Variants in PRKCH observed in about 807,000 individuals in gnomAD.
PRKCH encodes protein kinase C eta.
Under a neutral mutation model 82.5 loss-of-function variants are expected in PRKCH, and 28 were observed. The observed-to-expected ratio is 0.34, with a 90% CI of 0.25 to 0.47. PRKCH has a LOEUF of 0.47. PRKCH is among the 20% of genes least tolerant of loss of function. The probability of loss-of-function intolerance (pLI) is 1.00; values close to 1 mark genes in which losing one functional copy is unlikely to be tolerated. For missense variants in PRKCH, 705 were observed against 881.8 expected (o/e 0.80, Z 2.54); for synonymous variants, 322 against 327.4 (o/e 0.98, Z 0.18).
At chr14:61,277,630 A>G (rs1014750720) in intron 1 of PRKCH, 3 of 152,244 alleles carry the variant, frequency 2.0e-5, no homozygotes, top group African/African-American at 7.2e-5. Context: ...AAAATATCCA[A>G]TAAATAATTG....
intron 11 of PRKCH, 63 bp from the exon 12 acceptor site, chr14:61,530,344 A>G (rs1281523129): frequency 7.1e-7 from 1 of 1,414,518 alleles, no homozygotes; most frequent in Admixed American, 2.6e-5. Flanking sequence ...TTCCCTAGTT[A>G]TGAAGAACAC....
chr14:61,377,941 C>T (rs1246522175), intron 1 of PRKCH, among the ~76,000 whole-genome samples: 2 of 152,222 alleles, frequency 1.3e-5, no homozygotes, highest in Admixed American at 1.3e-4. Flanking sequence ...CCTTGGCCTG[C>T]AATCTAAGGT....
In PRKCH at chr14:61,470,177, G is replaced by C. The variant is rs1378657988; in HGVS notation, c.1278+12498G>C. Among the ~76,000 whole-genome samples the C allele has an allele frequency of 2.0e-5, 3 of 151,810 alleles. No homozygotes were observed. In the East Asian group the frequency reaches 5.8e-4, roughly 30 times the overall value. On this transcript the variant is annotated intron_variant, in intron 9 of 13. Coordinates refer to ENST00000332981, the MANE Select transcript of PRKCH (RefSeq NM_006255.5). ...TTTGTAGGATGCAGTGAGATTACTG[G>C]GGGGAGGCGTAGCTCGAGTCCTTGG...
At chr14:61,440,185 A>G (rs941397554) in intron 2 of PRKCH, among the ~76,000 whole-genome samples, 1 of 152,220 alleles carries the variant, frequency 6.6e-6, no homozygotes. Flanking sequence ...AAGGAATGTT[A>G]AAATCTGTTC....
In PRKCH at chr14:61,419,685, A is replaced by G. The variant is rs1050912089; in HGVS notation, c.428-23426A>G. ...GGGGCGTTCTGGGCTACACAGATGCACTATCCTAGAGGGTTAAGTTGTCAT... is the reference window on the plus strand; with the variant it reads ...GGGGCGTTCTGGGCTACACAGATGCGCTATCCTAGAGGGTTAAGTTGTCAT... On this transcript the variant is annotated intron_variant, in intron 2 of 13. Coordinates refer to ENST00000332981, the MANE Select transcript of PRKCH (RefSeq NM_006255.5). Among the ~76,000 whole-genome samples, 4 of 152,222 alleles carry G rather than the reference A, an allele frequency of 2.6e-5. No homozygotes were observed. In the South Asian group the frequency reaches 8.3e-4, roughly 31 times the overall value.
intron 1 of PRKCH, among the ~76,000 whole-genome samples, chr14:61,221,158 C>T (rs79277472): frequency 0.025 from 3,824 of 152,162 alleles, 74 homozygotes; most frequent in Middle Eastern, 0.055. Flanking sequence ...AGGTGGGGAA[C>T]CCTCCAACAG....
chr14:61,326,759 G>GA (rs1207262752), intron 1 of PRKCH, among the ~76,000 whole-genome samples: 1 of 152,128 alleles, frequency 6.6e-6, no homozygotes, highest in South Asian at 2.1e-4. Context: ...TGGGAGCGTA[G>GA]AAAAAATGAA....
chr14:61,486,823 T>A (rs1284097412), intron 10 of PRKCH, among the ~76,000 whole-genome samples: 4 of 152,150 alleles, frequency 2.6e-5, no homozygotes. Flanking sequence ...TCACATAAAC[T>A]CTTTTTCTCT....
intron 1 of PRKCH, among the ~76,000 whole-genome samples, chr14:61,217,660 C>A (rs549358276): frequency 8.7e-4 from 132 of 152,250 alleles, no homozygotes; most frequent in Admixed American, 2.8e-3. Context: ...GGAATGCCAC[C>A]AGAACCTTCC....
At chr14:61,386,486 G>A (rs558106734) in intron 1 of PRKCH, among the ~76,000 whole-genome samples, 2 of 152,262 alleles carry the variant, frequency 1.3e-5, no homozygotes, top group East Asian at 3.9e-4. Flanking sequence ...CTTCGAGAGT[G>A]GACGTGTTGG....
chr14:61,208,074 A>AT (rs11376581), intron 1 of PRKCH, among the ~76,000 whole-genome samples: 43,778 of 151,058 alleles, frequency 0.29, 7,410 homozygotes, highest in Non-Finnish European at 0.38. Context: ...GTGACAACTG[A>AT]TTTTTTTTTT....
chr14:61,299,785 T>A (rs533645142), intron 1 of PRKCH: 6 of 152,326 alleles, frequency 3.9e-5, no homozygotes, highest in Admixed American at 3.3e-4. Flanking sequence ...AGCTTATATA[T>A]TTTTGAATAC....
At chr14:61,314,779 C>G (rs2045549288) in intron 1 of PRKCH, among the ~76,000 whole-genome samples, 1 of 152,148 alleles carries the variant, frequency 6.6e-6, no homozygotes, top group Admixed American at 6.5e-5. Context: ...TATTCTCTCT[C>G]TCATCATGAG....
At chr14:61,425,595 T>C (rs1255819236) in intron 2 of PRKCH, among the ~76,000 whole-genome samples, 2 of 152,252 alleles carry the variant, frequency 1.3e-5, no homozygotes, top group Non-Finnish European at 2.9e-5. Flanking sequence ...TACAGGCTTA[T>C]AGGCAGAAGG....
intron 1 of PRKCH, among the ~76,000 whole-genome samples, chr14:61,296,235 A>G (rs2045405085): frequency 6.6e-6 from 1 of 152,196 alleles, no homozygotes; most frequent in Non-Finnish European, 1.5e-5. Flanking sequence ...ATATGGTTCA[A>G]ACCACTTCAG....
At chr14:61,339,746 A>G (rs2045908589) in intron 1 of PRKCH, among the ~76,000 whole-genome samples, 1 of 143,448 alleles carries the variant, frequency 7.0e-6, no homozygotes, top group African/African-American at 2.7e-5. Flanking sequence ...CAGTGGCGCA[A>G]TCTCAGCTCA....
At chr14:61,459,767 A>G (rs183375180) in intron 9 of PRKCH, among the ~76,000 whole-genome samples, 7 of 152,362 alleles carry the variant, frequency 4.6e-5, no homozygotes, top group South Asian at 2.1e-4. Flanking sequence ...ATATATATAC[A>G]GCACATATAT....
At chr14:61,302,726 A>G (rs1369468728) in intron 1 of PRKCH, among the ~76,000 whole-genome samples, 1 of 152,060 alleles carries the variant, frequency 6.6e-6, no homozygotes, top group Non-Finnish European at 1.5e-5. Context: ...TCATTCTGTT[A>G]TGTTTAGAGA....
At chr14:61,453,927 G>A (rs1402631949) in intron 7 of PRKCH, among the ~76,000 whole-genome samples, 2 of 151,928 alleles carry the variant, frequency 1.3e-5, no homozygotes, top group East Asian at 3.9e-4. Flanking sequence ...CAAAGTGTTG[G>A]GATTGCACAG....
Sources: allele counts gnomAD v4.1 joint callset (sites outside exome capture counted in the v4.1 genomes callset), GRCh38; gene constraint gnomAD v4.1.1; transcripts MANE v1.5; gene names NCBI Gene and HGNC (gene_info 2026-07-23, HGNC 2026-07-21).